Variants in LIG1 observed in about 807,000 individuals in gnomAD.
LIG1 encodes DNA ligase 1.
In LIG1, 70 loss-of-function variants were observed where a neutral mutation model predicts 115.7. The ratio of observed to expected loss-of-function variants is 0.60; its 90% CI spans 0.50 to 0.74. The LOEUF (loss-of-function observed/expected upper bound fraction) is 0.74. Among genes scored for constraint, LIG1 ranks in the 30% least tolerant of loss-of-function variants. The pLI is 0.00. For missense variants in LIG1, 1,115 were observed against 1,225.6 expected (o/e 0.91, Z 1.35); for synonymous variants, 487 against 495.3 (o/e 0.98, Z 0.22).
chr19:48,131,788 C>T (rs144081588), intron 18 of LIG1, among the ~76,000 whole-genome samples: 157 of 152,290 alleles, frequency 1.0e-3, no homozygotes, highest in Admixed American at 2.7e-3. Flanking sequence ...TTGAGCAGGG[C>T]GGCATATATA....
chr19:48,138,433 CCA>C (rs1221400855), intron 12 of LIG1, among the ~76,000 whole-genome samples: 1 of 152,238 alleles, frequency 6.6e-6, no homozygotes, highest in African/African-American at 2.4e-5. Context: ...GCGTTTCAGT[CCA>C]CAGATGCTCA....
Position 48,153,886 on chromosome 19 carries a change from T to C in LIG1, c.452A>G (p.Lys151Arg), listed in dbSNP as rs1177393846. The change falls in exon 6 of 28, where the codon AAG becomes AGG. Residue 151 changes from lysine (K) to arginine (R), a missense_variant. By Grantham distance (26) the Lys-to-Arg change is conservative (BLOSUM62 2). Transcript: ENST00000263274. ...SEDEDREAKR[K>R]KEEEEEETPK... The stretch of plus-strand genomic sequence containing the variant: ...TGGGGGCTCACCTTCCTCCTCCTTC[T>C]TCCTCTTGGCTTCTCTGTCCTCGTC... 6.3e-7 allele frequency: 1 copy of C among 1,594,708 alleles called. No individual in the cohort carries two copies. Among genetic ancestry groups the C allele is most frequent in the Non-Finnish European group, 8.5e-7 (1 of 1,170,686 alleles).
At position 48,161,497 on chromosome 19, in the gene LIG1, T is replaced by C; in HGVS notation, c.118A>G (p.Lys40Glu). 6.2e-7 allele frequency: 1 copy of C among 1,614,054 alleles called. No individual in the cohort carries two copies. The highest frequency in any genetic ancestry group is 8.5e-7 in the Non-Finnish European group (1 of 1,180,008). Residue 40 changes from lysine (K) to glutamate (E), a missense_variant, in exon 4 of 28, where the codon AAG (lysine) becomes GAG (glutamate). By Grantham distance (56) the Lys-to-Glu change is moderately conservative. Coordinates refer to ENST00000263274, the MANE Select transcript of LIG1 (RefSeq NM_000234.3). The part of the protein sequence containing the change: ...ETEPPPKAAL[K>E]EWNGVVSESD... Reference sequence around the variant, plus strand: ...TCGGACACCACTCCATTCCACTCCTTCAGTGCCGCCCTGGAAGGTGGGGAA... The same window carrying C: ...TCGGACACCACTCCATTCCACTCCTCCAGTGCCGCCCTGGAAGGTGGGGAA...
intron 10 of LIG1, 120 bp from the exon 11 acceptor site, chr19:48,143,719 C>T (rs2034933421): frequency 1.8e-6 from 2 of 1,087,260 alleles, no homozygotes; most frequent in African/African-American, 1.5e-5. Flanking sequence ...AATGCATGAG[C>T]TCACTTCCCA....
chr19:48,128,612 G>A (rs1194929672), intron 19 of LIG1, among the ~76,000 whole-genome samples: 1 of 152,218 alleles, frequency 6.6e-6, no homozygotes, highest in Admixed American at 6.5e-5. Flanking sequence ...CTGGGCCTTT[G>A]CATGTGCCGT....
intron 24 of LIG1, chr19:48,120,470 T>C: frequency 2.0e-6 from 2 of 985,446 alleles, no homozygotes; most frequent in Non-Finnish European, 2.4e-6. Flanking sequence ...TTTTGTTCTG[T>C]TTCTGTGGCA....
chr19:48,135,172 C>T (rs2034300874), intron 16 of LIG1, among the ~76,000 whole-genome samples: 1 of 152,190 alleles, frequency 6.6e-6, no homozygotes, highest in Non-Finnish European at 1.5e-5. Context: ...AAGACAGTCT[C>T]ACTCTGTTGC....
At position 48,141,296 on chromosome 19, in the gene LIG1, A is replaced by AT. The variant is rs1337733340; in HGVS notation, c.915-1154dup. ...CGGTGCGCACCACCATGCCCGGCTA[A>AT]TTTTTTTTAATTTTTAGTAGAGACG... On this transcript the variant is annotated intron_variant, in intron 11 of 27. Transcript: ENST00000263274. Among the ~76,000 whole-genome samples the AT allele has an allele frequency of 2.6e-5, 4 of 151,440 alleles. No homozygotes were observed. In the East Asian group the frequency reaches 7.8e-4, roughly 30 times the overall value.
intron 26 of LIG1, 31 bp downstream of exon 26, chr19:48,117,607 C>CA (rs1034074419): frequency 6.2e-7 from 1 of 1,609,192 alleles, no homozygotes; most frequent in African/African-American, 1.3e-5. Flanking sequence ...GAATCCCACA[C>CA]AGGGCCACGG....
chr19:48,146,965 C>G (rs2035157919), intron 9 of LIG1, among the ~76,000 whole-genome samples: 1 of 152,202 alleles, frequency 6.6e-6, no homozygotes. Context: ...CTAAAGTGCT[C>G]CCTTCCTCCA....
intron 8 of LIG1, 32 bp from the exon 9 acceptor site, chr19:48,149,873 T>C (rs1187117541): frequency 3.1e-6 from 5 of 1,604,738 alleles, no homozygotes; most frequent in African/African-American, 1.3e-5. Flanking sequence ...AGTGGGTCTT[T>C]TCTCCTTCCG....
chr19:48,162,717 C>A (rs56165766), intron 2 of LIG1, among the ~76,000 whole-genome samples: 1 of 152,108 alleles, frequency 6.6e-6, no homozygotes, highest in East Asian at 1.9e-4. Flanking sequence ...CATAAGCCAC[C>A]GCGCCCGGCC....
Position 48,143,523 on chromosome 19 carries a change from A to G in LIG1, c.914+20T>C. 2 of 601,574 alleles carry G rather than the reference A, an allele frequency of 3.3e-6. No individual in the cohort carries two copies. The highest frequency in any genetic ancestry group is 6.0e-6 in the Non-Finnish European group (2 of 332,578). The allele number at this position is 601,574 out of a possible 1,614,324, so 37.3% of individuals were successfully genotyped here. On this transcript the variant is annotated intron_variant, in intron 11 of 27. Transcript: ENST00000263274. ...CCAGAAGCGACCCCGCCCCCCACCC[A>G]GGCAGTCCTCATTAGTTACCGAGCA...
chr19:48,128,169 T>C, intron 19 of LIG1, 149 bp from the exon 20 acceptor site: 3 of 702,906 alleles, frequency 4.3e-6, no homozygotes, highest in Admixed American at 4.2e-5. Context: ...TTTCTTTTAT[T>C]CCCCACCAAG....
chr19:48,116,049 T>C (rs35526649), intron 26 of LIG1, 84 bp from the exon 27 acceptor site: 1 of 995,820 alleles, frequency 1.0e-6, no homozygotes. Context: ...CTGGACTGTT[T>C]CCTGATCCAC....
intron 7 of LIG1, among the ~76,000 whole-genome samples, chr19:48,150,515 C>T (rs2035403828): frequency 1.3e-5 from 2 of 152,156 alleles, no homozygotes; most frequent in Admixed American, 6.5e-5. Context: ...TCAGATACAA[C>T]TCTGTATCCC....
intron 7 of LIG1, among the ~76,000 whole-genome samples, chr19:48,150,426 G>A (rs891302497): frequency 7.2e-5 from 11 of 152,118 alleles, no homozygotes; most frequent in South Asian, 4.1e-4. Context: ...TGAAATAGGA[G>A]ACTTAGGAAT....
Position 48,131,084 on chromosome 19 carries a change from T to C in LIG1, c.1813A>G (p.Ile605Val). The change falls in exon 19 of 28, where the codon ATC becomes GTC. Residue 605 changes from isoleucine to valine, a missense_variant. By Grantham distance (29) the Ile-to-Val change is conservative (BLOSUM62 3). Coordinates refer to ENST00000263274, the MANE Select transcript of LIG1 (RefSeq NM_000234.3). ...TGKYPDIISR[I>V]PKIKLPSVTS... ...GTGTGGCAGACGCCCACCTTGGGGA[T>C]GCGGCTGATGATGTCCGGGTACTTC... 6.2e-7 allele frequency: 1 copy of C among 1,613,868 alleles called. No individual in the cohort carries two copies. Among genetic ancestry groups the C allele is most frequent in the South Asian group, 1.1e-5 (1 of 91,086 alleles).
At chr19:48,150,919 T>G (rs557660088) in intron 7 of LIG1, among the ~76,000 whole-genome samples, 1 of 152,148 alleles carries the variant, frequency 6.6e-6, no homozygotes, top group Non-Finnish European at 1.5e-5. Flanking sequence ...CAGGCTGGTC[T>G]TGAACTCCTG....
Sources: gnomAD v4.1 joint callset for allele counts (sites outside exome capture counted in the v4.1 genomes callset) on GRCh38, gnomAD v4.1.1 for gene constraint, MANE v1.5 for transcripts, NCBI Gene and HGNC (gene_info 2026-07-23, HGNC 2026-07-21) for gene names.